Variants in CLINT1 observed in about 807,000 individuals in gnomAD.
CLINT1 encodes the protein clathrin interacting protein localized in the trans-Golgi region.
CLINT1 carries 15 observed loss-of-function variants against 70.4 expected under a neutral mutation model. The observed-to-expected ratio is 0.21, with a 90% CI of 0.14 to 0.33. The LOEUF is 0.33. Ranked by LOEUF, CLINT1 falls within the 10% of genes least tolerant of loss-of-function variation. CLINT1 has a pLI of 1.00. For synonymous variants in CLINT1, 227 were observed against 254.7 expected (o/e 0.89, Z 1.04); for missense variants, 615 against 778.1 (o/e 0.79, Z 2.49).
intron 6 of CLINT1, among the ~76,000 whole-genome samples, chr5:157,807,405 A>C (rs773942259): frequency 6.6e-6 from 1 of 152,140 alleles, no homozygotes. Context: ...AGCGCAAAAT[A>C]ATTTATTCAC....
intron 1 of CLINT1, among the ~76,000 whole-genome samples, chr5:157,830,790 C>CTATATA (rs1354149727): frequency 1.4e-3 from 168 of 124,148 alleles, no homozygotes; most frequent in African/African-American, 5.1e-3. Context: ...CTCTCTCTCT[C>CTATATA]TCTCTCTATA....
intron 5 of CLINT1, among the ~76,000 whole-genome samples, chr5:157,810,910 A>G (rs1762535793): frequency 6.6e-6 from 1 of 152,200 alleles, no homozygotes; most frequent in Non-Finnish European, 1.5e-5. Context: ...ATTGCCTCCT[A>G]AAATTGCAAG....
At position 157,786,836 on chromosome 5, in the gene CLINT1, G is replaced by A. The variant is rs1228572895; in HGVS notation, c.*810C>T. 3.3e-5 allele frequency: 5 copies of A among 152,122 alleles called. No homozygotes were observed. Among genetic ancestry groups the A allele is most frequent in the African/African-American group, 7.2e-5 (3 of 41,496 alleles). The allele number at this position is 152,122 out of a possible 1,614,324, so 9.4% of individuals were successfully genotyped here. A position where few individuals can be genotyped will look rare whatever the true frequency, so the allele number is the denominator to read the frequency against. On this transcript the variant is annotated 3_prime_UTR_variant, in exon 12 of 12. Transcript: ENST00000411809. ...AAATGATGGCTACAGGGATAAACAC[G>A]GAAGGAAGCCTTGCCAAGTTAATCA...
At chr5:157,801,970 T>C (rs577744595) in intron 8 of CLINT1, among the ~76,000 whole-genome samples, 4 of 152,016 alleles carry the variant, frequency 2.6e-5, no homozygotes, top group South Asian at 2.1e-4. Context: ...TCTCAGCTCA[T>C]TGCAAACTCC....
chr5:157,841,333 A>C (rs750235065), intron 1 of CLINT1, among the ~76,000 whole-genome samples: 42 of 151,484 alleles, frequency 2.8e-4, no homozygotes, highest in Non-Finnish European at 5.9e-4. Context: ...TGGGAGGCCG[A>C]GGTGGGCAGA....
In CLINT1 at chr5:157,794,887, T is replaced by C. The variant is rs751549509; in HGVS notation, c.1087+11A>G. The C allele has an allele frequency of 5.1e-6, 8 of 1,553,932 alleles. No individual in the cohort carries two copies. The highest frequency in any genetic ancestry group is 3.9e-5 in the Admixed American group (2 of 51,418). ...CACCCTAGACTTCTGGCCAATCAAA[T>C]TGAATCATACCTTGGGAAGGGAAAC... On this transcript the variant is annotated intron_variant, in intron 9 of 11. Coordinates refer to ENST00000411809, the MANE Select transcript of CLINT1 (RefSeq NM_014666.4).
intron 1 of CLINT1, among the ~76,000 whole-genome samples, chr5:157,843,092 T>C (rs969033090): frequency 1.3e-5 from 2 of 152,118 alleles, no homozygotes; most frequent in African/African-American, 4.8e-5. Flanking sequence ...CAATTCTAGT[T>C]TTCACAGGTA....
At chr5:157,814,349 G>A in intron 3 of CLINT1, 56 bp from the exon 4 acceptor site, 1 of 1,190,616 alleles carries the variant, frequency 8.4e-7, no homozygotes, top group Non-Finnish European at 1.2e-6. Context: ...GTAGAGCTTT[G>A]GTAAATGGTT....
chr5:157,830,757 C>CCCTCTCTCTCCCTCTCT, intron 1 of CLINT1, among the ~76,000 whole-genome samples: 1 of 87,408 alleles, frequency 1.1e-5, no homozygotes, highest in East Asian at 3.4e-4. Flanking sequence ...CCTCTCTCTC[C>CCCTCTCTCTCCCTCTCT]CTCTCTCTCT....
chr5:157,837,959 C>T (rs981611512), intron 1 of CLINT1, among the ~76,000 whole-genome samples: 2 of 151,960 alleles, frequency 1.3e-5, no homozygotes, highest in African/African-American at 2.4e-5. Flanking sequence ...CCACCGTGCC[C>T]AGCCAAGATC....
At chr5:157,830,814 A>ATATG (rs1763217157) in intron 1 of CLINT1, among the ~76,000 whole-genome samples, 2 of 149,110 alleles carry the variant, frequency 1.3e-5, no homozygotes, top group African/African-American at 5.0e-5. Context: ...ATATATATAT[A>ATATG]TAGAAACACA....
chr5:157,851,260 T>C (rs999724664), intron 1 of CLINT1, among the ~76,000 whole-genome samples: 7 of 152,214 alleles, frequency 4.6e-5, no homozygotes, highest in Non-Finnish European at 7.3e-5. Context: ...TCAATAGTTG[T>C]TGAAAAAGCA....
At chr5:157,822,818 C>A (rs1295248639) in intron 1 of CLINT1, among the ~76,000 whole-genome samples, 1 of 151,968 alleles carries the variant, frequency 6.6e-6, no homozygotes, top group African/African-American at 2.4e-5. Flanking sequence ...AAATAATTAA[C>A]AAGAAAAAAC....
At chr5:157,827,945 G>T (rs1416648184) in intron 1 of CLINT1, among the ~76,000 whole-genome samples, 4 of 151,994 alleles carry the variant, frequency 2.6e-5, no homozygotes, top group Non-Finnish European at 5.9e-5. Context: ...AGATTATTAG[G>T]GCCTGAATTT....
At position 157,806,148 on chromosome 5, in the gene CLINT1, C is replaced by T. The variant is rs186358396; in HGVS notation, c.696-36G>A. The stretch of plus-strand genomic sequence containing the variant: ...TTAAAAATGAAGCAAAATAATAAGA[C>T]GGGATTATTTTAAAATGGGTCCCTC... On this transcript the variant is annotated intron_variant, in intron 6 of 11. Coordinates refer to ENST00000411809, the MANE Select transcript of CLINT1 (RefSeq NM_014666.4). 4.3e-4 allele frequency: 691 copies of T among 1,599,464 alleles called. 1 individual carries two copies. The highest frequency in any genetic ancestry group is 1.5e-4 in the Non-Finnish European group (177 of 1,172,230).
At position 157,805,963 on chromosome 5, in the gene CLINT1, G is replaced by A. The variant is rs774472127; in HGVS notation, c.845C>T (p.Ser282Phe). The A allele has an allele frequency of 7.4e-6, 12 of 1,613,790 alleles. No individual in the cohort carries two copies. The South Asian group carries it at 1.2e-4, about 16-fold the overall frequency. ...TTRHKRTANP[S>F]KTIDLGAAAH... ...TGCTGCTCCAAGATCAATGGTTTTG[G>A]AAGGATTTGCTGTGCGCTTGTGTCT... Residue 282 changes from serine to phenylalanine, a missense_variant, in exon 7 of 12, where the codon TCC becomes TTC. By Grantham distance (155) the Ser-to-Phe change is radical. This residue lies in a region of CLINT1 where 241 missense variants were observed against 368.6 expected (regional missense o/e 0.65). Coordinates refer to ENST00000411809, the MANE Select transcript of CLINT1 (RefSeq NM_014666.4).
At chr5:157,808,972 G>A (rs1762464725) in intron 6 of CLINT1, 1 of 152,048 alleles carries the variant, frequency 6.6e-6, no homozygotes, top group African/African-American at 2.4e-5. Flanking sequence ...TCCAAGGAAA[G>A]ACTACTAGCT....
At chr5:157,833,917 G>A (rs1763329959) in intron 1 of CLINT1, among the ~76,000 whole-genome samples, 1 of 152,128 alleles carries the variant, frequency 6.6e-6, no homozygotes, top group Non-Finnish European at 1.5e-5. Flanking sequence ...ACTTCAGCCT[G>A]GGTGACAGAG....
At chr5:157,835,095 G>T (rs934688390) in intron 1 of CLINT1, among the ~76,000 whole-genome samples, 1 of 152,074 alleles carries the variant, frequency 6.6e-6, no homozygotes, top group African/African-American at 2.4e-5. Flanking sequence ...CATAAACAAG[G>T]GTCCTTTCTA....
Sources: gnomAD v4.1 joint callset for allele counts (sites outside exome capture counted in the v4.1 genomes callset) on GRCh38, gnomAD v4.1.1 for gene constraint, gnomAD v4.1.1 regional missense constraint, MANE v1.5 for transcripts, NCBI Gene and HGNC (gene_info 2026-07-23, HGNC 2026-07-21) for gene names.